The following ADGRV1 variants were observed in gnomAD, a reference collection of about 807,000 sequenced individuals.
ADGRV1 encodes G-protein coupled receptor 98.
ADGRV1 carries 359 observed loss-of-function variants against 596.2 expected under a neutral mutation model. The ratio of observed to expected loss-of-function variants is 0.60; its 90% CI spans 0.55 to 0.66. The LOEUF (loss-of-function observed/expected upper bound fraction) is 0.66, where lower values mean the gene tolerates loss of function less well. Ranked by LOEUF, ADGRV1 falls within the 30% of genes least tolerant of loss-of-function variation. The pLI, the probability that ADGRV1 is intolerant of heterozygous loss-of-function variation, is 0.00. For missense variants in ADGRV1, 7,274 were observed against 7,575.6 expected, an observed-to-expected ratio of 0.96 and a Z score of 1.48; for synonymous variants, 2,681 against 2,679.2, an observed-to-expected ratio of 1.00 and a Z score of -0.02.
intron 85 of ADGRV1, among the ~76,000 whole-genome samples, chr5:91,050,571 C>CT (rs2151305212): frequency 6.6e-6 from 1 of 152,162 alleles, no homozygotes; most frequent in Admixed American, 6.5e-5. Flanking sequence ...TTAAAAAAGT[C>CT]TTTCTAATAA....
chr5:90,686,898 G>A (rs1233940662), intron 29 of ADGRV1, among the ~76,000 whole-genome samples: 5 of 152,034 alleles, frequency 3.3e-5, no homozygotes, highest in Admixed American at 2.0e-4. Flanking sequence ...CTTTTTAATG[G>A]CTGCCATTCT....
chr5:90,938,974 C>T (rs1376227122), intron 83 of ADGRV1, among the ~76,000 whole-genome samples: 2 of 152,038 alleles, frequency 1.3e-5, no homozygotes, highest in Non-Finnish European at 2.9e-5. Flanking sequence ...TCTCTATTTT[C>T]GATAGTAAAT....
rs749423884 is a variant in ADGRV1, at chr5:90,711,190, A to G, written c.8910A>G (p.Glu2970=). 3 of 1,610,546 alleles carry G rather than the reference A, an allele frequency of 1.9e-6. No homozygotes were observed. The highest frequency in any genetic ancestry group is 2.5e-6 in the Non-Finnish European group (3 of 1,178,518). ...GVIEWQQSRF[E]VNETHGSLTL... is the part of the protein sequence containing the mutation. ...TTTTTTTGCTATATTATAGGTTTGA[A>G]GTAAATGAAACCCATGGAAGTTTAA... The change falls in exon 41 of 90, where the codon GAA becomes GAG. Residue 2970 remains glutamate (E), a synonymous_variant. Transcript: ENST00000405460.
Position 90,716,592 on chromosome 5 carries a change from G to T in ADGRV1, c.9310G>T (p.Val3104Phe), listed in dbSNP as rs2149744186. The change falls in exon 43 of 90, where the codon GTT becomes TTT. Residue 3104 changes from valine to phenylalanine, a missense_variant. Around this residue, in one of 5 missense-constraint regions of ADGRV1, gnomAD observed 3,643 missense variants for 3,809.2 expected, o/e 0.96. Coordinates refer to ENST00000405460, the MANE Select transcript of ADGRV1 (RefSeq NM_032119.4). Reference sequence around the variant, plus strand: ...GGAGAGTGTTGCAGTATTGTACATTGTTCGGGAACCTGCACAAGGATTGTT... The same window carrying T: ...GGAGAGTGTTGCAGTATTGTACATTTTTCGGGAACCTGCACAAGGATTGTT... ...VQESVAVLYI[V>F]REPAQGLFGT... The T allele has an allele frequency of 6.2e-7, 1 of 1,613,860 alleles. No individual in the cohort carries two copies. The highest frequency in any genetic ancestry group is 1.1e-5 in the South Asian group (1 of 91,066).
chr5:90,742,732 A>C (rs59411130), intron 50 of ADGRV1, among the ~76,000 whole-genome samples: 2,158 of 152,328 alleles, frequency 0.014, 19 homozygotes, highest in Middle Eastern at 0.061. Flanking sequence ...AGAGATGTTG[A>C]AAGATGAAGC....
intron 84 of ADGRV1, among the ~76,000 whole-genome samples, chr5:90,971,345 G>A (rs1778964723): frequency 1.3e-5 from 2 of 152,146 alleles, no homozygotes; most frequent in Non-Finnish European, 1.5e-5. Flanking sequence ...AGGAAATACA[G>A]AGAATGCCAC....
At chr5:90,983,781 G>A (rs1185387254) in intron 84 of ADGRV1, among the ~76,000 whole-genome samples, 1 of 152,128 alleles carries the variant, frequency 6.6e-6, no homozygotes, top group Non-Finnish European at 1.5e-5. Flanking sequence ...GAGATATGGA[G>A]TGCTGGCAGG....
At position 90,853,233 on chromosome 5, in the gene ADGRV1, A is replaced by G. The variant is rs557362610; in HGVS notation, c.17205-51A>G. 4 of 1,521,516 alleles carry G rather than the reference A, an allele frequency of 2.6e-6. 1 individual carries two copies. The highest frequency in any genetic ancestry group is 4.0e-5 in the Admixed American group (2 of 49,942). The allele number at this position is 1,521,516 out of a possible 1,614,324, so 94.3% of individuals were successfully genotyped here. A position where few individuals can be genotyped will look rare whatever the true frequency, so the allele number is the denominator to read the frequency against. The stretch of plus-strand genomic sequence containing the variant: ...CACTTTAACAAATATAAGTGGATAT[A>G]TGTATTCAAATACATGCCATTTTTA... On this transcript the variant is annotated intron_variant, in intron 79 of 89. Coordinates refer to ENST00000405460, the MANE Select transcript of ADGRV1 (RefSeq NM_032119.4).
At chr5:91,142,031 C>T (rs1412249443) in intron 87 of ADGRV1, among the ~76,000 whole-genome samples, 1 of 152,184 alleles carries the variant, frequency 6.6e-6, no homozygotes, top group African/African-American at 2.4e-5. Context: ...TGCCATGAAG[C>T]CGTGGCACAT....
intron 45 of ADGRV1, among the ~76,000 whole-genome samples, chr5:90,722,715 T>TAAAAAAAAAAAAAAAAAA (rs1751229219): frequency 5.8e-5 from 1 of 17,168 alleles, no homozygotes; most frequent in African/African-American, 2.8e-4. Flanking sequence ...AAACTCCGTC[T>TAAAAAAAAAAAAAAAAAA]CAAAAAAAAA....
At chr5:90,948,807 A>C (rs1384191850) in intron 83 of ADGRV1, among the ~76,000 whole-genome samples, 1 of 152,156 alleles carries the variant, frequency 6.6e-6, no homozygotes, top group Non-Finnish European at 1.5e-5. Context: ...TTGTACTAAA[A>C]GTGGAAAACA....
intron 1 of ADGRV1, among the ~76,000 whole-genome samples, chr5:90,609,442 T>C (rs1032826500): frequency 1.3e-5 from 2 of 152,224 alleles, no homozygotes; most frequent in Admixed American, 1.3e-4. Context: ...ACTTACTCTA[T>C]TTGTAACATT....
At chr5:90,721,605 C>T (rs1214544122) in intron 45 of ADGRV1, among the ~76,000 whole-genome samples, 5 of 69,970 alleles carry the variant, frequency 7.1e-5, no homozygotes, top group Non-Finnish European at 1.6e-4. Flanking sequence ...TATTTAGTGC[C>T]TATGCCAGGC....
At chr5:91,143,497 C>T (rs548193753) in intron 87 of ADGRV1, among the ~76,000 whole-genome samples, 6 of 152,324 alleles carry the variant, frequency 3.9e-5, no homozygotes, top group Middle Eastern at 3.4e-3. Flanking sequence ...GTCGTCCCTA[C>T]GTCTGCTCAG....
At chr5:91,013,960 G>A (rs1220401351) in intron 85 of ADGRV1, among the ~76,000 whole-genome samples, 1 of 151,810 alleles carries the variant, frequency 6.6e-6, no homozygotes, top group Non-Finnish European at 1.5e-5. Context: ...TATTGAATAG[G>A]GAGTCTTTTC....
Position 90,653,631 on chromosome 5 carries a change from G to T in ADGRV1, c.4057G>T (p.Ala1353Ser), listed in dbSNP as rs1768968451. 2 of 1,613,428 alleles carry T rather than the reference G, an allele frequency of 1.2e-6. No homozygotes were observed. Among genetic ancestry groups the T allele is most frequent in the Admixed American group, 1.7e-5 (1 of 59,870 alleles). The change falls in exon 20 of 90, where the codon GCC becomes TCC. Residue 1353 changes from alanine to serine, a missense_variant. Ala to Ser is a moderately conservative substitution (Grantham distance 99, BLOSUM62 1). This residue lies in a region of ADGRV1 where 1,715 missense variants were observed against 1,708.8 expected (regional missense o/e 1.00). Transcript: ENST00000405460. ...KYHPSRNNTIANFTFSAWVMP... is the reference protein window; with the variant it reads ...KYHPSRNNTISNFTFSAWVMP... ...CCATCCCTCCAGGAATAATACAATTGCCAACTTTACATTCTCAGCTTGGGT... is the reference window on the plus strand; with the variant it reads ...CCATCCCTCCAGGAATAATACAATTTCCAACTTTACATTCTCAGCTTGGGT...
At chr5:91,115,145 G>A (rs908972080) in intron 87 of ADGRV1, among the ~76,000 whole-genome samples, 2 of 152,064 alleles carry the variant, frequency 1.3e-5, no homozygotes, top group Admixed American at 6.6e-5. Flanking sequence ...TATTGTTCTT[G>A]TTCTTGTGTT....
chr5:90,607,601 T>G (rs1762261265), intron 1 of ADGRV1, among the ~76,000 whole-genome samples: 1 of 152,112 alleles, frequency 6.6e-6, no homozygotes, highest in African/African-American at 2.4e-5. Flanking sequence ...ACCCTTTAGG[T>G]GGGAGAATGG....
Position 90,619,200 on chromosome 5 carries a change from G to GATA in ADGRV1, c.453+22_453+24dup, listed in dbSNP as rs1763735127. 1 of 1,092,794 alleles carries GATA rather than the reference G, an allele frequency of 9.2e-7. No individual in the cohort carries two copies. 67.7% of individuals were successfully genotyped at this position (1,092,794 alleles called of 1,614,324 possible). ...TAATATGGTATGGACACAATTTGAT[G>GATA]ATAATTGTGGTTGCTAGATAATAGT... On this transcript the variant is annotated intron_variant, in intron 4 of 89. Transcript: ENST00000405460.
Sources: gnomAD v4.1 joint callset for allele counts (sites outside exome capture counted in the v4.1 genomes callset) on GRCh38, gnomAD v4.1.1 for gene constraint, gnomAD v4.1.1 regional missense constraint, MANE v1.5 for transcripts, NCBI Gene and HGNC (gene_info 2026-07-23, HGNC 2026-07-21) for gene names.